The following CACNA2D3 variants were observed in gnomAD, a reference collection of about 807,000 sequenced individuals.
CACNA2D3 encodes the protein calcium voltage-gated channel auxiliary subunit alpha2delta 3, also known as voltage-dependent calcium channel subunit alpha-2/delta-3.
Under a neutral mutation model 160.6 loss-of-function variants are expected in CACNA2D3, and 60 were observed. The ratio of observed to expected loss-of-function variants is 0.37; its 90% CI spans 0.30 to 0.46. CACNA2D3 has a LOEUF of 0.46. CACNA2D3 is among the 20% of genes least tolerant of loss of function. The probability of loss-of-function intolerance (pLI) is 1.00; values close to 1 mark genes in which losing one functional copy is unlikely to be tolerated. For missense variants in CACNA2D3, 1,205 were observed against 1,365.0 expected, an observed-to-expected ratio of 0.88 and a Z score of 1.85; for synonymous variants, 558 against 492.9, an observed-to-expected ratio of 1.13 and a Z score of -1.75.
intron 4 of CACNA2D3, among the ~76,000 whole-genome samples, chr3:54,404,516 A>G (rs1179789954): frequency 6.6e-6 from 1 of 152,198 alleles, no homozygotes; most frequent in Non-Finnish European, 1.5e-5. Flanking sequence ...AAAAACCGAC[A>G]GCTGGCATCA....
chr3:54,741,998 C>A (rs898233814), intron 11 of CACNA2D3, among the ~76,000 whole-genome samples: 1 of 152,034 alleles, frequency 6.6e-6, no homozygotes, highest in African/African-American at 2.4e-5. Context: ...TTCCAAGTAG[C>A]TAGGACTACA....
rs559745461 is a variant in CACNA2D3 at position 54,694,263 on chromosome 3, C to T, written c.1167+52022C>T. Among the ~76,000 whole-genome samples, 8 of 152,304 alleles carry T rather than the reference C, an allele frequency of 5.3e-5. No homozygotes were observed. The South Asian group carries it at 1.7e-3, about 32-fold the overall frequency. ...CAGTATTCAGTAGTCACATGCTGTA[C>T]AGGTTTGCAGCCTAGGAACACTGGG... On this transcript the variant is annotated intron_variant, in intron 11 of 37. Transcript: ENST00000474759.
chr3:54,822,448 G>T (rs1703625317), intron 14 of CACNA2D3, among the ~76,000 whole-genome samples: 1 of 152,196 alleles, frequency 6.6e-6, no homozygotes, highest in Non-Finnish European at 1.5e-5. Context: ...GAGTGTGTCT[G>T]TGGCAGCCCA....
chr3:54,481,992 A>T (rs1191208607), intron 4 of CACNA2D3, among the ~76,000 whole-genome samples: 1 of 152,228 alleles, frequency 6.6e-6, no homozygotes, highest in Non-Finnish European at 1.5e-5. Context: ...TCATTGGCAC[A>T]CAAATGTATT....
At chr3:54,200,448 T>C (rs1365716108) in intron 2 of CACNA2D3, among the ~76,000 whole-genome samples, 1 of 152,168 alleles carries the variant, frequency 6.6e-6, no homozygotes, top group Non-Finnish European at 1.5e-5. Context: ...TTACACCAAC[T>C]AGGAGAAAAG....
At chr3:54,829,029 A>G (rs1234669206) in intron 14 of CACNA2D3, among the ~76,000 whole-genome samples, 1 of 152,212 alleles carries the variant, frequency 6.6e-6, no homozygotes, top group East Asian at 1.9e-4. Context: ...ACTGCTCACA[A>G]TCAGCAAACC....
intron 2 of CACNA2D3, among the ~76,000 whole-genome samples, chr3:54,136,573 C>G (rs1164615514): frequency 6.6e-6 from 1 of 152,242 alleles, no homozygotes. Flanking sequence ...CTGCATCCAC[C>G]TTTCCCATCC....
chr3:54,918,767 C>G (rs546776796), intron 27 of CACNA2D3: 1 of 1,614,138 alleles, frequency 6.2e-7, no homozygotes, highest in East Asian at 2.2e-5. Flanking sequence ...GGCCACTGAG[C>G]CTGCGAGGAC....
intron 9 of CACNA2D3, among the ~76,000 whole-genome samples, chr3:54,592,973 G>A (rs1702889450): frequency 6.6e-6 from 1 of 152,172 alleles, no homozygotes; most frequent in Non-Finnish European, 1.5e-5. Flanking sequence ...GTTTGTGAGT[G>A]ATACTGGGGT....
chr3:54,737,767 C>A (rs1312749651), intron 11 of CACNA2D3, among the ~76,000 whole-genome samples: 1 of 152,166 alleles, frequency 6.6e-6, no homozygotes, highest in Non-Finnish European at 1.5e-5. Flanking sequence ...TGGGTTCAAG[C>A]GATTCTCTTG....
At chr3:55,052,639 T>G (rs1704255579) in intron 35 of CACNA2D3, among the ~76,000 whole-genome samples, 1 of 152,148 alleles carries the variant, frequency 6.6e-6, no homozygotes, top group African/African-American at 2.4e-5. Context: ...TGTGTATTCA[T>G]TTTTGGTCTC....
intron 9 of CACNA2D3, among the ~76,000 whole-genome samples, chr3:54,623,719 G>T (rs925894035): frequency 6.6e-6 from 1 of 152,194 alleles, no homozygotes; most frequent in African/African-American, 2.4e-5. Flanking sequence ...TTAATTGGCA[G>T]TGTCCAGTGC....
chr3:54,501,737 T>C (rs1701298022), intron 4 of CACNA2D3, among the ~76,000 whole-genome samples: 2 of 152,274 alleles, frequency 1.3e-5, no homozygotes, highest in African/African-American at 4.8e-5. Flanking sequence ...CTTCCTGTCT[T>C]AATGCAGATG....
intron 27 of CACNA2D3, among the ~76,000 whole-genome samples, chr3:54,931,472 G>A (rs1701190718): frequency 6.6e-6 from 1 of 152,102 alleles, no homozygotes; most frequent in Admixed American, 6.5e-5. Context: ...CCCTCCCGTG[G>A]TGAGCAGATC....
intron 2 of CACNA2D3, among the ~76,000 whole-genome samples, chr3:54,302,387 C>T (rs1013577162): frequency 4.6e-5 from 7 of 152,142 alleles, no homozygotes; most frequent in Admixed American, 2.0e-4. Flanking sequence ...GGGGACTTAC[C>T]ATCTTACCAT....
intron 6 of CACNA2D3, among the ~76,000 whole-genome samples, chr3:54,566,995 T>A (rs1366188411): frequency 6.6e-6 from 1 of 152,136 alleles, no homozygotes; most frequent in Non-Finnish European, 1.5e-5. Flanking sequence ...ATGGGGAGAG[T>A]ATGATTGATA....
At chr3:54,501,491 C>T (rs1701293348) in intron 4 of CACNA2D3, among the ~76,000 whole-genome samples, 1 of 151,012 alleles carries the variant, frequency 6.6e-6, no homozygotes. Flanking sequence ...ACTGCAGCCT[C>T]AACCTCCCAG....
intron 13 of CACNA2D3, among the ~76,000 whole-genome samples, chr3:54,806,832 C>G (rs1044175828): frequency 6.6e-6 from 1 of 152,140 alleles, no homozygotes; most frequent in Non-Finnish European, 1.5e-5. Context: ...ACCAAAACAG[C>G]ATGGTACTGA....
intron 4 of CACNA2D3, 35 bp downstream of exon 4, chr3:54,386,809 G>T (rs1471496875): frequency 6.5e-7 from 1 of 1,544,358 alleles, no homozygotes; most frequent in South Asian, 1.2e-5. Flanking sequence ...ATTGTTTTGT[G>T]TGTTTCCTGC....
Sources: gnomAD v4.1 joint callset for allele counts (sites outside exome capture counted in the v4.1 genomes callset) on GRCh38, gnomAD v4.1.1 for gene constraint, MANE v1.5 for transcripts, NCBI Gene and HGNC (gene_info 2026-07-23, HGNC 2026-07-21) for gene names.